Variants in PRKG1 observed in about 807,000 individuals in gnomAD.
PRKG1 encodes the protein cGMP-dependent protein kinase 1.
PRKG1 carries 35 observed loss-of-function variants against 88.1 expected under a neutral mutation model. That is an observed-to-expected ratio of 0.40 (90% CI 0.30 to 0.53). PRKG1 has a LOEUF of 0.53. PRKG1 is among the 20% of genes least tolerant of loss of function. The probability of loss-of-function intolerance (pLI) is 0.59; values close to 1 mark genes in which losing one functional copy is unlikely to be tolerated. For synonymous variants in PRKG1, 303 were observed against 292.5 expected, an observed-to-expected ratio of 1.04 and a Z score of -0.37; for missense variants, 540 against 839.8, an observed-to-expected ratio of 0.64 and a Z score of 4.41.
intron 4 of PRKG1, among the ~76,000 whole-genome samples, chr10:51,905,944 C>G (rs1842076744): frequency 6.6e-6 from 1 of 152,092 alleles, no homozygotes; most frequent in Non-Finnish European, 1.5e-5. Flanking sequence ...ATTTTTAATT[C>G]TAGCAGAGAA....
intron 3 of PRKG1, among the ~76,000 whole-genome samples, chr10:51,671,572 T>TCTC (rs1840577474): frequency 6.6e-6 from 1 of 150,988 alleles, no homozygotes; most frequent in African/African-American, 2.4e-5. Flanking sequence ...GTGCCTCTTC[T>TCTC]TCTCTCTCTC....
chr10:51,507,007 T>C (rs893610684), intron 3 of PRKG1, among the ~76,000 whole-genome samples: 6 of 152,112 alleles, frequency 3.9e-5, no homozygotes, highest in African/African-American at 7.2e-5. Flanking sequence ...TGTAGGGACA[T>C]GGATGAAGCT....
At chr10:52,064,226 A>C (rs2133272682) in intron 7 of PRKG1, among the ~76,000 whole-genome samples, 1 of 152,206 alleles carries the variant, frequency 6.6e-6, no homozygotes, top group African/African-American at 2.4e-5. Context: ...TCCTATGCTC[A>C]TTGGCACCCA....
At chr10:51,636,196 C>T (rs1224585330) in intron 3 of PRKG1, among the ~76,000 whole-genome samples, 1 of 152,124 alleles carries the variant, frequency 6.6e-6, no homozygotes, top group Non-Finnish European at 1.5e-5. Context: ...TTATGCCTCA[C>T]ACTTCTTGAC....
At chr10:51,122,656 A>C (rs11814193) in intron 1 of PRKG1, among the ~76,000 whole-genome samples, 196 of 152,310 alleles carry the variant, frequency 1.3e-3, no homozygotes, top group African/African-American at 4.6e-3. Flanking sequence ...TCTAAGAAAG[A>C]AAAAAGCAGC....
At chr10:51,539,196 T>C (rs1336107376) in intron 3 of PRKG1, among the ~76,000 whole-genome samples, 1 of 152,132 alleles carries the variant, frequency 6.6e-6, no homozygotes, top group Non-Finnish European at 1.5e-5. Flanking sequence ...ATTCACAGTA[T>C]AGAGATTTGC....
intron 7 of PRKG1, among the ~76,000 whole-genome samples, chr10:52,089,291 T>C (rs974465485): frequency 6.6e-6 from 1 of 152,190 alleles, no homozygotes; most frequent in African/African-American, 2.4e-5. Flanking sequence ...TGGGTAAGCA[T>C]GGTACCCACA....
intron 5 of PRKG1, among the ~76,000 whole-genome samples, chr10:51,971,500 G>T (rs1284342419): frequency 1.3e-5 from 2 of 151,940 alleles, no homozygotes; most frequent in African/African-American, 2.4e-5. Flanking sequence ...TTTGAATTCA[G>T]GCAGTTTCTC....
chr10:52,284,193 A>G (rs1294319241), intron 14 of PRKG1, among the ~76,000 whole-genome samples: 1 of 152,076 alleles, frequency 6.6e-6, no homozygotes, highest in East Asian at 1.9e-4. Context: ...TAAATACTTG[A>G]AAATTTAAAA....
chr10:52,147,453 A>G (rs1249213586), intron 8 of PRKG1, among the ~76,000 whole-genome samples: 1 of 152,236 alleles, frequency 6.6e-6, no homozygotes, highest in Non-Finnish European at 1.5e-5. Flanking sequence ...ACAGTTTCAG[A>G]GAGAAATTAA....
intron 1 of PRKG1, among the ~76,000 whole-genome samples, chr10:51,003,001 T>C (rs1842904655): frequency 6.6e-6 from 1 of 152,192 alleles, no homozygotes; most frequent in African/African-American, 2.4e-5. Context: ...TGAAATTCTG[T>C]GATATATTTA....
intron 3 of PRKG1, among the ~76,000 whole-genome samples, chr10:51,511,575 CAT>C (rs1192667038): frequency 1.3e-5 from 2 of 152,240 alleles, no homozygotes; most frequent in East Asian, 3.9e-4. Flanking sequence ...GCTCAGTTAA[CAT>C]ATGAAATGTG....
intron 2 of PRKG1, among the ~76,000 whole-genome samples, chr10:51,177,810 T>C (rs1003326804): frequency 1.3e-5 from 2 of 152,000 alleles, no homozygotes; most frequent in African/African-American, 2.4e-5. Context: ...ATGTGAATAG[T>C]ATCAATATGA....
At chr10:51,522,338 T>C (rs1194826556) in intron 3 of PRKG1, among the ~76,000 whole-genome samples, 1 of 152,198 alleles carries the variant, frequency 6.6e-6, no homozygotes, top group Admixed American at 6.5e-5. Context: ...GGCAGACCAA[T>C]CATAAAATAG....
chr10:51,143,053 G>C (rs1036412129), intron 1 of PRKG1, among the ~76,000 whole-genome samples: 1 of 152,054 alleles, frequency 6.6e-6, no homozygotes, highest in Non-Finnish European at 1.5e-5. Context: ...TTGCCTTGCT[G>C]TACAGTAGGT....
chr10:50,991,414 C>A lies in PRKG1; in HGVS notation c.36C>A (p.Leu12=), dbSNP rs771726791. The change falls in exon 1 of 18, where the codon CTC becomes CTA. Residue 12 remains leucine (L), a synonymous_variant. Transcript: ENST00000401604. This position sits in a 1 kb window ranked among gnomAD's most constrained non-coding sequence, Gnocchi z 4.5. ...TAGAGGAAGACTTTGCCAAGATTCTCATGCTCAAGGAGGAGAGGATCAAAG... is the reference window on the plus strand; with the variant it reads ...TAGAGGAAGACTTTGCCAAGATTCTAATGCTCAAGGAGGAGAGGATCAAAG... 1.3e-6 allele frequency: 2 copies of A among 1,568,092 alleles called. No homozygotes were observed. Among genetic ancestry groups the A allele is most frequent in the African/African-American group, 2.8e-5 (2 of 72,700 alleles).
At chr10:51,140,674 G>A (rs1845798855) in intron 1 of PRKG1, among the ~76,000 whole-genome samples, 1 of 151,922 alleles carries the variant, frequency 6.6e-6, no homozygotes. Flanking sequence ...AGACTGTGTG[G>A]CCAAGAAAAG....
chr10:51,434,516 C>T (rs992304307), intron 2 of PRKG1, among the ~76,000 whole-genome samples: 4 of 152,104 alleles, frequency 2.6e-5, no homozygotes, highest in Non-Finnish European at 4.4e-5. Flanking sequence ...GCAGCTGAAA[C>T]ACCTGCCCAG....
intron 9 of PRKG1, among the ~76,000 whole-genome samples, chr10:52,178,533 A>G (rs556038759): frequency 2.0e-5 from 3 of 152,106 alleles, no homozygotes; most frequent in Admixed American, 2.0e-4. Flanking sequence ...TGTACTTTAA[A>G]TCTAATGTTT....
Sources: allele counts gnomAD v4.1 joint callset (sites outside exome capture counted in the v4.1 genomes callset), GRCh38; gene constraint gnomAD v4.1.1; non-coding constraint Gnocchi (gnomAD v3.1); transcripts MANE v1.5; gene names NCBI Gene and HGNC (gene_info 2026-07-23, HGNC 2026-07-21).